SMAD3: variants seen among roughly 807,000 people sequenced by gnomAD.
SMAD3 encodes SMAD family member 3.
In SMAD3, 12 loss-of-function variants were observed where a neutral mutation model predicts 51.8. The observed-to-expected ratio is 0.23, with a 90% CI of 0.15 to 0.38. The LOEUF is 0.38. SMAD3 is among the 10% of genes least tolerant of loss of function. The pLI is 1.00. For missense variants in SMAD3, 294 were observed against 565.6 expected (o/e 0.52, Z 4.87); for synonymous variants, 238 against 227.7 (o/e 1.05, Z -0.41).
intron 1 of SMAD3, among the ~76,000 whole-genome samples, chr15:67,135,359 G>A (rs1961632820): frequency 6.6e-6 from 1 of 152,224 alleles, no homozygotes; most frequent in South Asian, 2.1e-4. Context: ...ACTGCTTGAG[G>A]CTGTGGGCCA....
chr15:67,164,959 C>T lies in SMAD3; in HGVS notation c.271C>T (p.Leu91=), dbSNP rs747307840. Reference sequence around the variant, plus strand: ...GCTCCCTCATGTCATCTACTGCCGCCTGTGGCGATGGCCAGACCTGCACAG... The same window carrying T: ...GCTCCCTCATGTCATCTACTGCCGCTTGTGGCGATGGCCAGACCTGCACAG... The part of the protein sequence containing the change: ...KGLPHVIYCR[L]WRWPDLHSHH... Residue 91 remains leucine (L), a synonymous_variant, in exon 2 of 9, where the codon CTG becomes TTG. Coordinates refer to ENST00000327367, the MANE Select transcript of SMAD3 (RefSeq NM_005902.4). 7 of 1,613,972 alleles carry T rather than the reference C, an allele frequency of 4.3e-6. No individual in the cohort carries two copies. In the South Asian group the frequency reaches 6.6e-5, roughly 15 times the overall value.
At chr15:67,082,163 A>C (rs573228004) in intron 1 of SMAD3, among the ~76,000 whole-genome samples, 1 of 151,968 alleles carries the variant, frequency 6.6e-6, no homozygotes, top group Non-Finnish European at 1.5e-5. Flanking sequence ...TTGTGTTTGG[A>C]GTATCTCCTG....
Position 67,190,835 on chromosome 15 carries a change from C to A in SMAD3, c.*299C>A. On this transcript the variant is annotated 3_prime_UTR_variant, in exon 9 of 9. Transcript: ENST00000327367. The stretch of plus-strand genomic sequence containing the variant: ...GGTAGTATTACACCACCGGCCCCCT[C>A]CCCCCAGACTCTTTTTTTGAGTGAC... The A allele has an allele frequency of 4.4e-6, 2 of 458,114 alleles. No individual in the cohort carries two copies. The highest frequency in any genetic ancestry group is 8.0e-6 in the Non-Finnish European group (2 of 249,812). 28.4% of individuals were successfully genotyped at this position (458,114 alleles called of 1,614,324 possible). A position where few individuals can be genotyped will look rare whatever the true frequency, so the allele number is the denominator to read the frequency against.
chr15:67,188,115 T>G (rs143377350), intron 8 of SMAD3, among the ~76,000 whole-genome samples: 5 of 151,864 alleles, frequency 3.3e-5, no homozygotes, highest in Admixed American at 2.6e-4. Flanking sequence ...ATGACTTTTT[T>G]AGAGTCCTAC....
chr15:67,093,524 C>G (rs1207020225), intron 1 of SMAD3, among the ~76,000 whole-genome samples: 1 of 152,204 alleles, frequency 6.6e-6, no homozygotes, highest in Non-Finnish European at 1.5e-5. Context: ...GCACTTTGCT[C>G]TCTCTCAGTC....
chr15:67,096,205 C>T (rs1034880610), intron 1 of SMAD3, among the ~76,000 whole-genome samples: 6 of 152,166 alleles, frequency 3.9e-5, no homozygotes, highest in Admixed American at 6.5e-5. Flanking sequence ...AAAATGATGA[C>T]GGAAGAAGGG....
At chr15:67,114,355 G>A (rs1961090080) in intron 1 of SMAD3, among the ~76,000 whole-genome samples, 1 of 152,134 alleles carries the variant, frequency 6.6e-6, no homozygotes, top group Non-Finnish European at 1.5e-5. Flanking sequence ...CTACGGTTAT[G>A]TGTGGCGCAC....
intron 5 of SMAD3, among the ~76,000 whole-genome samples, chr15:67,172,885 G>T (rs72743479): frequency 1.3e-5 from 2 of 152,126 alleles, no homozygotes; most frequent in Non-Finnish European, 2.9e-5. Context: ...CGTTGGAGAC[G>T]TAAAAGTCTG....
At chr15:67,076,063 G>C (rs539349417) in intron 1 of SMAD3, among the ~76,000 whole-genome samples, 1 of 152,268 alleles carries the variant, frequency 6.6e-6, no homozygotes, top group South Asian at 2.1e-4. Flanking sequence ...TCCAATAGGT[G>C]ATCCCCTTCC....
chr15:67,079,994 TCAAA>T (rs1770150802), intron 1 of SMAD3, among the ~76,000 whole-genome samples: 1 of 152,218 alleles, frequency 6.6e-6, no homozygotes, highest in South Asian at 2.1e-4. Flanking sequence ...ACATAATTTA[TCAAA>T]CAAACCAGGA....
chr15:67,139,646 G>A lies in SMAD3; in HGVS notation c.207-25249G>A, dbSNP rs767214634. Among the ~76,000 whole-genome samples, 11 of 152,118 alleles carry A rather than the reference G, an allele frequency of 7.2e-5. 1 individual carries two copies. Among genetic ancestry groups the A allele is most frequent in the Non-Finnish European group, 1.6e-4 (11 of 68,024 alleles). On this transcript the variant is annotated intron_variant, in intron 1 of 8. Coordinates refer to ENST00000327367, the MANE Select transcript of SMAD3 (RefSeq NM_005902.4). ...CTTCCCATGCCTGTGCCTTCCCCAA[G>A]CTCCCCCTCCTAAGCCAGGTACGAT...
At chr15:67,134,943 G>C (rs1961620055) in intron 1 of SMAD3, among the ~76,000 whole-genome samples, 1 of 152,206 alleles carries the variant, frequency 6.6e-6, no homozygotes, top group African/African-American at 2.4e-5. Flanking sequence ...GAGGGGTGGG[G>C]CTGGGATTGG....
intron 1 of SMAD3, chr15:67,125,774 T>C: frequency 1.0e-6 from 1 of 985,712 alleles, no homozygotes; most frequent in African/African-American, 1.7e-5. Context: ...CTGAGTTCAC[T>C]GGTGCTGGGG....
intron 4 of SMAD3, 23 bp from the exon 5 acceptor site, chr15:67,170,531 T>C (rs1402005137): frequency 1.2e-6 from 2 of 1,610,454 alleles, no homozygotes; most frequent in African/African-American, 2.7e-5. Flanking sequence ...TTGTGAAGTC[T>C]CACAACTTGT....
chr15:67,100,225 G>A (rs1373609636), intron 1 of SMAD3, among the ~76,000 whole-genome samples: 1 of 149,220 alleles, frequency 6.7e-6, no homozygotes, highest in Non-Finnish European at 1.5e-5. Context: ...GCCACAACAT[G>A]GGTGAATCTT....
intron 1 of SMAD3, among the ~76,000 whole-genome samples, chr15:67,146,487 G>A (rs1055919498): frequency 6.6e-6 from 1 of 152,206 alleles, no homozygotes; most frequent in Non-Finnish European, 1.5e-5. Flanking sequence ...TGTGGAGGCT[G>A]GAGGGGGCTG....
chr15:67,181,600 A>T, intron 6 of SMAD3, 147 bp downstream of exon 6: 1 of 730,518 alleles, frequency 1.4e-6, no homozygotes, highest in East Asian at 2.7e-5. Flanking sequence ...ATGGGGGAAG[A>T]CTCACTGCCC....
At chr15:67,094,458 G>A (rs1960573681) in intron 1 of SMAD3, among the ~76,000 whole-genome samples, 1 of 152,116 alleles carries the variant, frequency 6.6e-6, no homozygotes, top group African/African-American at 2.4e-5. Context: ...TTCAAACTCT[G>A]CTCAAAATTG....
In SMAD3 at chr15:67,194,557, A is replaced by G; in HGVS notation, c.*4021A>G. On this transcript the variant is annotated 3_prime_UTR_variant, in exon 9 of 9. Transcript: ENST00000327367. ...TATTCTGGTGTTTTTATATTTATGTAATAATTTCTTAAAACCATTCAGACA... is the reference window on the plus strand; with the variant it reads ...TATTCTGGTGTTTTTATATTTATGTGATAATTTCTTAAAACCATTCAGACA... 1 of 232,424 alleles carries G rather than the reference A, an allele frequency of 4.3e-6. No individual in the cohort carries two copies. The highest frequency in any genetic ancestry group is 8.5e-6 in the Non-Finnish European group (1 of 117,542). The allele number at this position is 232,424 out of a possible 1,614,324, so 14.4% of individuals were successfully genotyped here.
Sources: allele counts gnomAD v4.1 joint callset (sites outside exome capture counted in the v4.1 genomes callset), GRCh38; gene constraint gnomAD v4.1.1; transcripts MANE v1.5; gene names NCBI Gene and HGNC (gene_info 2026-07-23, HGNC 2026-07-21).